NRG1: variants seen among roughly 807,000 people sequenced by gnomAD.
NRG1 encodes pro-neuregulin-1, membrane-bound isoform.
Under a neutral mutation model 63.8 loss-of-function variants are expected in NRG1, and 18 were observed. That is an observed-to-expected ratio of 0.28 (90% CI 0.19 to 0.42). The LOEUF (loss-of-function observed/expected upper bound fraction) is 0.42, where lower values mean the gene tolerates loss of function less well. Among genes scored for constraint, NRG1 ranks in the 10% least tolerant of loss-of-function variants. The pLI, the probability that NRG1 is intolerant of heterozygous loss-of-function variation, is 1.00. For missense variants in NRG1, 762 were observed against 814.7 expected (o/e 0.94, Z 0.79); for synonymous variants, 302 against 301.3 (o/e 1.00, Z -0.02).
chr8:32,721,875 A>T, intron 5 of NRG1: 1 of 1,415,492 alleles, frequency 7.1e-7, no homozygotes. Flanking sequence ...ATCTTCAGGA[A>T]CCACCTAAGC....
chr8:32,713,345 T>C (rs1818279412), intron 5 of NRG1, among the ~76,000 whole-genome samples: 1 of 152,176 alleles, frequency 6.6e-6, no homozygotes, highest in African/African-American at 2.4e-5. Flanking sequence ...TAACCAGCTC[T>C]GTACATCAAA....
intron 1 of NRG1, among the ~76,000 whole-genome samples, chr8:32,017,226 AAAC>A (rs1351634291): frequency 1.3e-5 from 2 of 152,230 alleles, no homozygotes; most frequent in Non-Finnish European, 2.9e-5. Flanking sequence ...GGACAAATAG[AAAC>A]AACATTAGAA....
chr8:32,728,494 A>G (rs776863516), intron 6 of NRG1: 3 of 985,392 alleles, frequency 3.0e-6, no homozygotes, highest in South Asian at 4.7e-5. Flanking sequence ...TGCCAAATGA[A>G]TAAGACAACA....
intron 1 of NRG1, chr8:31,639,505 C>T (rs1803523483): frequency 6.6e-7 from 1 of 1,521,388 alleles, no homozygotes; most frequent in Non-Finnish European, 8.8e-7. Context: ...CGCAACTCCG[C>T]CTCCAGGGCT....
At chr8:32,153,944 C>T (rs1837783589) in intron 1 of NRG1, among the ~76,000 whole-genome samples, 2 of 152,168 alleles carry the variant, frequency 1.3e-5, no homozygotes, top group African/African-American at 2.4e-5. Context: ...GATAAGACAA[C>T]ATGATGGAAA....
At chr8:32,358,403 G>C (rs1006117162) in intron 1 of NRG1, among the ~76,000 whole-genome samples, 1 of 146,282 alleles carries the variant, frequency 6.8e-6, no homozygotes, top group African/African-American at 2.6e-5. Flanking sequence ...CATGGGAGTG[G>C]TTCTCCTCTC....
At chr8:32,329,397 C>A (rs762513290) in intron 1 of NRG1, among the ~76,000 whole-genome samples, 1 of 152,196 alleles carries the variant, frequency 6.6e-6, no homozygotes, top group Non-Finnish European at 1.5e-5. Flanking sequence ...GATAATATTT[C>A]TGTTCACAAG....
intron 1 of NRG1, among the ~76,000 whole-genome samples, chr8:32,549,410 C>T (rs1833703950): frequency 6.6e-6 from 1 of 152,180 alleles, no homozygotes; most frequent in Admixed American, 6.5e-5. Context: ...TCCTGTGCTA[C>T]GGAGACTCAA....
intron 1 of NRG1, among the ~76,000 whole-genome samples, chr8:31,737,016 C>A (rs1158650535): frequency 6.6e-6 from 1 of 152,114 alleles, no homozygotes; most frequent in Non-Finnish European, 1.5e-5. Context: ...GCAGACATCA[C>A]TGTGAGATTA....
intron 1 of NRG1, among the ~76,000 whole-genome samples, chr8:31,992,905 C>T (rs1811332829): frequency 6.6e-6 from 1 of 151,882 alleles, no homozygotes; most frequent in African/African-American, 2.4e-5. Flanking sequence ...AGTGGGCTCT[C>T]TTCCAAAAAA....
intron 1 of NRG1, among the ~76,000 whole-genome samples, chr8:32,492,031 G>T (rs552292236): frequency 2.3e-4 from 35 of 151,896 alleles, no homozygotes; most frequent in African/African-American, 6.3e-4. Context: ...TCTACACAAA[G>T]CTACATTTTC....
intron 2 of NRG1, 140 bp from the exon 3 acceptor site, chr8:32,605,422 T>A (rs558192511): frequency 2.3e-6 from 2 of 877,692 alleles, no homozygotes; most frequent in Non-Finnish European, 3.5e-6. Context: ...GTCAGATCAA[T>A]GTAACGGAAG....
At chr8:32,343,324 A>G (rs1804316191) in intron 1 of NRG1, among the ~76,000 whole-genome samples, 1 of 152,202 alleles carries the variant, frequency 6.6e-6, no homozygotes, top group Non-Finnish European at 1.5e-5. Context: ...CTAGAGAATA[A>G]TATCATATTT....
At chr8:32,450,387 C>T (rs1820801837) in intron 1 of NRG1, among the ~76,000 whole-genome samples, 1 of 151,968 alleles carries the variant, frequency 6.6e-6, no homozygotes, top group Admixed American at 6.6e-5. Flanking sequence ...TGCACTCCTG[C>T]CTGGGTGACA....
intron 1 of NRG1, among the ~76,000 whole-genome samples, chr8:31,897,371 G>A (rs1355170595): frequency 1.3e-5 from 2 of 152,106 alleles, no homozygotes; most frequent in Non-Finnish European, 2.9e-5. Flanking sequence ...CCTGAATCTA[G>A]TATAGTATCA....
intron 1 of NRG1, among the ~76,000 whole-genome samples, chr8:31,918,574 C>G (rs76330749): frequency 0.64 from 94,168 of 147,240 alleles, 29,581 homozygotes; most frequent in East Asian, 0.92. Flanking sequence ...GGTGGATAAG[C>G]TTTTTGATGT....
chr8:32,648,524 G>A, intron 5 of NRG1: 1 of 1,302,058 alleles, frequency 7.7e-7, no homozygotes, highest in Non-Finnish European at 1.0e-6. Context: ...GAGATGCTTG[G>A]GATGGCATTG....
At chr8:32,361,260 T>C (rs1807174205) in intron 1 of NRG1, among the ~76,000 whole-genome samples, 1 of 151,772 alleles carries the variant, frequency 6.6e-6, no homozygotes, top group Non-Finnish European at 1.5e-5. Context: ...CACATCAGAG[T>C]ATTATATTAG....
chr8:32,773,374 G>T (rs1304633933), intron 7 of NRG1, among the ~76,000 whole-genome samples: 1 of 152,108 alleles, frequency 6.6e-6, no homozygotes, highest in Non-Finnish European at 1.5e-5. Flanking sequence ...CCTTCCTATT[G>T]AGCTATTAAT....
Sources: gnomAD v4.1 joint callset for allele counts (sites outside exome capture counted in the v4.1 genomes callset) on GRCh38, gnomAD v4.1.1 for gene constraint, MANE v1.5 for transcripts, NCBI Gene and HGNC (gene_info 2026-07-23, HGNC 2026-07-21) for gene names.